Variants in ASB3 observed in about 807,000 individuals in gnomAD.
The protein encoded by ASB3 is ankyrin repeat and SOCS box protein 3.
ASB3 carries 41 observed loss-of-function variants against 54.5 expected under a neutral mutation model. The ratio of observed to expected loss-of-function variants is 0.75; its 90% CI spans 0.59 to 0.98. The LOEUF is 0.98. Among genes scored for constraint, ASB3 ranks in the 50% least tolerant of loss-of-function variants. ASB3 has a pLI of 0.00. For synonymous variants in ASB3, 266 were observed against 221.2 expected (o/e 1.20, Z -1.80); for missense variants, 733 against 620.0 (o/e 1.18, Z -1.94).
chr2:53,728,130 A>G (rs1032894168), intron 5 of ASB3, among the ~76,000 whole-genome samples: 8 of 152,136 alleles, frequency 5.3e-5, no homozygotes, highest in Non-Finnish European at 1.2e-4. Flanking sequence ...GAGAGATTTA[A>G]AAGCCCCTGT....
rs3061604 is a variant in ASB3 at position 53,712,745 on chromosome 2, AACACACACACAC to A, written c.980+1627_980+1638del. 8.3e-4 allele frequency among the ~76,000 whole-genome samples: 125 copies of A among 150,250 alleles called. 4 individuals are homozygous for A. In the South Asian group the frequency reaches 0.025, roughly 30 times the overall value. On this transcript the variant is annotated intron_variant, in intron 7 of 9. Coordinates refer to ENST00000263634, the MANE Select transcript of ASB3 (RefSeq NM_016115.5). Reference sequence around the variant, plus strand: ...GCCAAAAAAGACCATCATCATATTGAACACACACACACACACACACACAGGCGCGCGCGCGCG... The same window carrying A: ...GCCAAAAAAGACCATCATCATATTGAACACACACACAGGCGCGCGCGCGCG...
chr2:53,719,837 G>C (rs894541178), intron 5 of ASB3, among the ~76,000 whole-genome samples: 1 of 152,118 alleles, frequency 6.6e-6, no homozygotes, highest in African/African-American at 2.4e-5. Context: ...CAAGGGGGGA[G>C]GATCGCTTGA....
chr2:53,670,610 A>C lies in ASB3; in HGVS notation c.1450T>G (p.Tyr484Asp), dbSNP rs777815603. ...LKSERLRSDS[Y>D]ISQLPLPRSL... The stretch of plus-strand genomic sequence containing the variant: ...CTGGGAAGTGGCAGCTGACTAATAT[A>C]ACTGTCAGACCGTAGACGTTCTGAT... Residue 484 changes from tyrosine to aspartate, a missense_variant, in exon 10 of 10, where the codon TAT (tyrosine) becomes GAT (aspartate). Coordinates refer to ENST00000263634, the MANE Select transcript of ASB3 (RefSeq NM_016115.5). 6.8e-6 allele frequency: 11 copies of C among 1,613,952 alleles called. No individual in the cohort carries two copies. Among genetic ancestry groups the C allele is most frequent in the Non-Finnish European group, 8.5e-6 (10 of 1,179,996 alleles).
At chr2:53,782,075 G>A (rs1195863619) in intron 1 of ASB3, among the ~76,000 whole-genome samples, 2 of 152,198 alleles carry the variant, frequency 1.3e-5, no homozygotes, top group East Asian at 1.9e-4. Context: ...TCAGGAGGCT[G>A]AGGTGATGGG....
chr2:53,685,102 G>A (rs1212402882), intron 9 of ASB3, among the ~76,000 whole-genome samples: 1 of 152,208 alleles, frequency 6.6e-6, no homozygotes, highest in South Asian at 2.1e-4. Flanking sequence ...TGCCTTGCTA[G>A]AGTTTGTCCT....
chr2:53,732,536 T>C (rs1671378547), intron 3 of ASB3, among the ~76,000 whole-genome samples: 1 of 152,208 alleles, frequency 6.6e-6, no homozygotes, highest in African/African-American at 2.4e-5. Flanking sequence ...TTCCACAAGT[T>C]AGGCTGACCT....
rs151185770 is a variant in ASB3, at chr2:53,688,460, G to C, written c.1369+5424C>G. On this transcript the variant is annotated intron_variant, in intron 9 of 9. Coordinates refer to ENST00000263634, the MANE Select transcript of ASB3 (RefSeq NM_016115.5). The stretch of plus-strand genomic sequence containing the variant: ...TTGCCTCAATCATGTAACAATCAAA[G>C]CTGAAAAATCCAGTCTTTCTTTGTT... Among the ~76,000 whole-genome samples the C allele has an allele frequency of 3.9e-5, 6 of 152,274 alleles. No homozygotes were observed. The East Asian group carries it at 1.2e-3, about 29-fold the overall frequency.
intron 4 of ASB3, 67 bp from the exon 5 acceptor site, chr2:53,728,914 CTG>C (rs1202870935): frequency 2.7e-6 from 4 of 1,472,456 alleles, no homozygotes; most frequent in Middle Eastern, 1.8e-4. Context: ...TTTCTTCTTA[CTG>C]TGTTTTTTTT....
chr2:53,735,485 T>TAAAAAAAAAAAAA (rs11414333), intron 3 of ASB3, among the ~76,000 whole-genome samples: 1 of 130,058 alleles, frequency 7.7e-6, no homozygotes, highest in Non-Finnish European at 1.7e-5. Context: ...AGCAAAGATC[T>TAAAAAAAAAAAAA]AAAAAAAAAA....
intron 3 of ASB3, among the ~76,000 whole-genome samples, chr2:53,743,224 C>T (rs1672033641): frequency 6.9e-6 from 1 of 144,268 alleles, no homozygotes; most frequent in Non-Finnish European, 1.5e-5. Flanking sequence ...AGGCTGGTCT[C>T]GAACTCCTGG....
chr2:53,716,623 C>T lies in ASB3; in HGVS notation c.725G>A (p.Cys242Tyr), dbSNP rs1037912150. ...LSSGADPDLY[C>Y]NEDSWQLPIH... ...AGGTAACTGCCAACTGTCCTCATTACAGTAAAGATCAGGATCTGCCCCACT... is the reference window on the plus strand; with the variant it reads ...AGGTAACTGCCAACTGTCCTCATTATAGTAAAGATCAGGATCTGCCCCACT... Residue 242 changes from cysteine (C) to tyrosine (Y), a missense_variant, in exon 6 of 10, where the codon TGT (cysteine) becomes TAT (tyrosine). By Grantham distance (194) the Cys-to-Tyr change is radical (BLOSUM62 -2). Coordinates refer to ENST00000263634, the MANE Select transcript of ASB3 (RefSeq NM_016115.5). 4.3e-6 allele frequency: 7 copies of T among 1,614,028 alleles called. No homozygotes were observed. Among genetic ancestry groups the T allele is most frequent in the Non-Finnish European group, 5.9e-6 (7 of 1,180,002 alleles).
In ASB3 at chr2:53,670,359, C is replaced by T. The variant is rs1667749070; in HGVS notation, c.*144G>A. On this transcript the variant is annotated 3_prime_UTR_variant, in exon 10 of 10. Coordinates refer to ENST00000263634, the MANE Select transcript of ASB3 (RefSeq NM_016115.5). ...TGTAAACATAAACATTCTCACTGAA[C>T]TACTGGCCCCCCAAAACCTAACCTA... is the stretch of plus-strand genomic sequence containing the variant. 10 of 407,072 alleles carry T rather than the reference C, an allele frequency of 2.5e-5. No individual in the cohort carries two copies. The South Asian group carries it at 3.5e-4, about 14-fold the overall frequency. 25.2% of individuals were successfully genotyped at this position (407,072 alleles called of 1,614,324 possible).
chr2:53,768,522 A>G (rs897589411), intron 1 of ASB3, among the ~76,000 whole-genome samples: 3 of 152,180 alleles, frequency 2.0e-5, no homozygotes, highest in South Asian at 4.1e-4. Context: ...ACATCTTTCA[A>G]AAGTTTTATT....
Position 53,774,466 on chromosome 2 carries a change from G to A in ASB3, c.-13-8881C>T, listed in dbSNP as rs757140753. ...AGAAGAAGCAGATGAGCATCTTTTC[G>A]CTTTGGAAAAATTAGTAAAGGAACG... On this transcript the variant is annotated intron_variant, in intron 1 of 9. Transcript: ENST00000263634. The A allele has an allele frequency of 3.0e-5, 47 of 1,591,272 alleles. No homozygotes were observed. In the East Asian group the frequency reaches 3.4e-4, roughly 11 times the overall value.
chr2:53,683,093 C>A (rs982730064), intron 9 of ASB3, among the ~76,000 whole-genome samples: 1 of 152,116 alleles, frequency 6.6e-6, no homozygotes, highest in Non-Finnish European at 1.5e-5. Flanking sequence ...CCCCCTTTCA[C>A]TATGATATGA....
intron 9 of ASB3, among the ~76,000 whole-genome samples, chr2:53,676,407 T>A (rs113961541): frequency 6.6e-6 from 1 of 152,276 alleles, no homozygotes; most frequent in Admixed American, 6.5e-5. Context: ...CCAAAACACA[T>A]CATTCTGTTA....
chr2:53,693,188 C>T (rs1046967291), intron 9 of ASB3, among the ~76,000 whole-genome samples: 15 of 152,062 alleles, frequency 9.9e-5, no homozygotes, highest in Non-Finnish European at 2.1e-4. Context: ...ATAGTCAAAG[C>T]AAAATAAATC....
chr2:53,756,482 G>A (rs1394995905), intron 2 of ASB3, among the ~76,000 whole-genome samples: 3 of 152,178 alleles, frequency 2.0e-5, no homozygotes, highest in African/African-American at 7.2e-5. Context: ...GTTAAGGGAT[G>A]CCCAGATAGC....
intron 9 of ASB3, among the ~76,000 whole-genome samples, chr2:53,685,446 T>C (rs1433946673): frequency 6.6e-6 from 1 of 152,236 alleles, no homozygotes; most frequent in African/African-American, 2.4e-5. Flanking sequence ...AGGAACTACT[T>C]GTCCACCTTT....
Sources: gnomAD v4.1 joint callset for allele counts (sites outside exome capture counted in the v4.1 genomes callset) on GRCh38, gnomAD v4.1.1 for gene constraint, MANE v1.5 for transcripts, NCBI Gene and HGNC (gene_info 2026-07-23, HGNC 2026-07-21) for gene names.